The following NXPH1 variants were observed in gnomAD, a reference collection of about 807,000 sequenced individuals.
NXPH1 encodes neurexophilin 1.
A neutral mutation model predicts 23.7 loss-of-function variants in NXPH1; 5 were observed. The ratio of observed to expected loss-of-function variants is 0.21; its 90% confidence interval spans 0.11 to 0.44. The LOEUF (loss-of-function observed/expected upper bound fraction) is 0.44. Ranked by LOEUF, NXPH1 falls within the 20% of genes least tolerant of loss-of-function variation. NXPH1 has a pLI of 0.99. For synonymous variants in NXPH1, 144 were observed against 122.2 expected (o/e 1.18, Z -1.18); for missense variants, 324 against 321.6 (o/e 1.01, Z -0.06).
At chr7:8,729,568 T>C (rs1455342461) in intron 2 of NXPH1, among the ~76,000 whole-genome samples, 2 of 128,906 alleles carry the variant, frequency 1.6e-5, no homozygotes, top group Non-Finnish European at 3.2e-5. Context: ...TCAAAGAACA[T>C]CTTTATTTCT....
chr7:8,537,637 TG>T (rs1818049049), intron 2 of NXPH1, among the ~76,000 whole-genome samples: 1 of 151,832 alleles, frequency 6.6e-6, no homozygotes, highest in South Asian at 2.1e-4. Context: ...GAGATTTGAG[TG>T]GGGACACAGC....
chr7:8,599,506 T>A (rs1416550850), intron 2 of NXPH1, among the ~76,000 whole-genome samples: 2 of 152,190 alleles, frequency 1.3e-5, no homozygotes, highest in Non-Finnish European at 2.9e-5. Flanking sequence ...TCTGCCATGA[T>A]CTGGTAGGCA....
intron 2 of NXPH1, among the ~76,000 whole-genome samples, chr7:8,494,902 G>T (rs1160171224): frequency 1.3e-5 from 2 of 151,998 alleles, no homozygotes; most frequent in African/African-American, 4.8e-5. Flanking sequence ...AATCCCAGAG[G>T]TACATCCTGA....
intron 2 of NXPH1, among the ~76,000 whole-genome samples, chr7:8,642,903 T>C (rs1383778831): frequency 1.3e-5 from 2 of 152,084 alleles, no homozygotes; most frequent in Non-Finnish European, 2.9e-5. Flanking sequence ...CTTGCTCTGT[T>C]GCCCAGGCTG....
At chr7:8,710,138 G>C (rs948288709) in intron 2 of NXPH1, among the ~76,000 whole-genome samples, 1 of 152,156 alleles carries the variant, frequency 6.6e-6, no homozygotes, top group Non-Finnish European at 1.5e-5. Flanking sequence ...ATCAGAATTG[G>C]TTTTAAGAAC....
intron 2 of NXPH1, among the ~76,000 whole-genome samples, chr7:8,533,102 A>C (rs1299168283): frequency 1.3e-5 from 2 of 152,168 alleles, no homozygotes; most frequent in African/African-American, 4.8e-5. Flanking sequence ...CAGAGAAATT[A>C]AGTGACCTGT....
At chr7:8,497,625 T>C (rs1245345566) in intron 2 of NXPH1, among the ~76,000 whole-genome samples, 1 of 152,198 alleles carries the variant, frequency 6.6e-6, no homozygotes, top group Non-Finnish European at 1.5e-5. Context: ...ATGATGAGCA[T>C]TTTTTCATGT....
intron 2 of NXPH1, among the ~76,000 whole-genome samples, chr7:8,746,905 G>C (rs1381614847): frequency 2.0e-5 from 3 of 150,136 alleles, no homozygotes; most frequent in African/African-American, 4.9e-5. Context: ...TGGTTATATT[G>C]AAGGGAGATT....
chr7:8,514,218 T>A (rs894106026), intron 2 of NXPH1, among the ~76,000 whole-genome samples: 2 of 152,156 alleles, frequency 1.3e-5, no homozygotes, highest in Admixed American at 6.6e-5. Flanking sequence ...ACTTACCACA[T>A]CTTGCCTGCC....
chr7:8,531,434 G>T (rs1340143515), intron 2 of NXPH1, among the ~76,000 whole-genome samples: 2 of 152,160 alleles, frequency 1.3e-5, no homozygotes, highest in Non-Finnish European at 2.9e-5. Flanking sequence ...CTCTTCCCAA[G>T]TGAGGTGGAT....
intron 2 of NXPH1, among the ~76,000 whole-genome samples, chr7:8,575,405 CT>C (rs1339376711): frequency 7.2e-5 from 11 of 152,082 alleles, no homozygotes; most frequent in African/African-American, 2.4e-4. Context: ...CATTAAAATT[CT>C]TTTGTTTTAT....
chr7:8,483,965 C>CT (rs60436502), intron 2 of NXPH1, among the ~76,000 whole-genome samples: 2,860 of 132,292 alleles, frequency 0.022, 54 homozygotes, highest in African/African-American at 0.032. Flanking sequence ...CTCCCCCCAC[C>CT]TTTTTTTTTT....
At chr7:8,730,829 T>A (rs1780139941) in intron 2 of NXPH1, among the ~76,000 whole-genome samples, 2 of 150,716 alleles carry the variant, frequency 1.3e-5, no homozygotes, top group South Asian at 4.2e-4. Context: ...TTGGAGTTGC[T>A]CTTCTCGAGG....
In NXPH1 at chr7:8,436,453, T is replaced by G. The variant is rs1164292572; in HGVS notation, c.54+686T>G. ...GTAGGCCTTGTCGCCAGGGAGAGAA[T>G]TCTAAACAAAGCCGCGGTCCTTGTC... is the stretch of plus-strand genomic sequence containing the variant. On this transcript the variant is annotated intron_variant, in intron 2 of 2. Transcript: ENST00000405863. Among the ~76,000 whole-genome samples, 3 of 152,170 alleles carry G rather than the reference T, an allele frequency of 2.0e-5. No homozygotes were observed. In the East Asian group the frequency reaches 5.8e-4, roughly 29 times the overall value.
chr7:8,542,748 A>T (rs567071125), intron 2 of NXPH1, among the ~76,000 whole-genome samples: 1 of 151,706 alleles, frequency 6.6e-6, no homozygotes, highest in African/African-American at 2.4e-5. Flanking sequence ...AAAACCTATC[A>T]ACTCTCACCT....
chr7:8,501,760 C>A (rs1050033901), intron 2 of NXPH1, among the ~76,000 whole-genome samples: 2 of 151,934 alleles, frequency 1.3e-5, no homozygotes, highest in African/African-American at 4.8e-5. Flanking sequence ...AAAACCAGTG[C>A]AGCAAGTAAA....
At chr7:8,608,681 G>A (rs918988035) in intron 2 of NXPH1, among the ~76,000 whole-genome samples, 17 of 151,758 alleles carry the variant, frequency 1.1e-4, no homozygotes, top group Admixed American at 3.3e-4. Context: ...TTTTTTGTGC[G>A]TCATATGACA....
At chr7:8,469,326 C>T (rs955761866) in intron 2 of NXPH1, among the ~76,000 whole-genome samples, 1 of 151,932 alleles carries the variant, frequency 6.6e-6, no homozygotes, top group Non-Finnish European at 1.5e-5. Context: ...ATAATAGTCA[C>T]ATGAACATTA....
At chr7:8,458,358 C>T (rs2128606478) in intron 2 of NXPH1, among the ~76,000 whole-genome samples, 1 of 152,216 alleles carries the variant, frequency 6.6e-6, no homozygotes, top group East Asian at 1.9e-4. Context: ...ATATACTGGA[C>T]CATAATTAAC....
Sources: allele counts gnomAD v4.1 joint callset (sites outside exome capture counted in the v4.1 genomes callset), GRCh38; gene constraint gnomAD v4.1.1; transcripts MANE v1.5; gene names NCBI Gene and HGNC (gene_info 2026-07-23, HGNC 2026-07-21).